ERICH1: variants seen among roughly 807,000 people sequenced by gnomAD.
The protein encoded by ERICH1 is glutamate rich 1.
Under a neutral mutation model 39.6 loss-of-function variants are expected in ERICH1, and 56 were observed. The ratio of observed to expected loss-of-function variants is 1.41; its 90% CI spans 1.14 to 1.77. The LOEUF (loss-of-function observed/expected upper bound fraction) is 1.77. Ranked by LOEUF, ERICH1 falls within the 40% of genes most tolerant of loss-of-function variation. The pLI, the probability that ERICH1 is intolerant of heterozygous loss-of-function variation, is 0.00. For synonymous variants in ERICH1, 313 were observed against 223.6 expected (o/e 1.40, Z -3.57); for missense variants, 826 against 575.4 (o/e 1.44, Z -4.45).
At chr8:674,296 C>CTTTTT (rs11372589) in intron 3 of ERICH1, among the ~76,000 whole-genome samples, 12 of 109,790 alleles carry the variant, frequency 1.1e-4, no homozygotes, top group Non-Finnish European at 1.2e-4. Flanking sequence ...CAAGTTGTTG[C>CTTTTT]TTTTTTTTTT....
At chr8:682,240 C>G (rs779043151) in intron 3 of ERICH1, among the ~76,000 whole-genome samples, 1 of 152,218 alleles carries the variant, frequency 6.6e-6, no homozygotes, top group Non-Finnish European at 1.5e-5. Context: ...TTCTCAAAGT[C>G]TCATCTGAGG....
intron 3 of ERICH1, among the ~76,000 whole-genome samples, chr8:654,361 G>T (rs1399799156): frequency 6.6e-6 from 1 of 152,138 alleles, no homozygotes; most frequent in Non-Finnish European, 1.5e-5. Flanking sequence ...TCCTTCAGAG[G>T]CTTGGTAAGA....
intron 3 of ERICH1, among the ~76,000 whole-genome samples, chr8:641,966 T>TA (rs1357922307): frequency 1.3e-5 from 2 of 152,334 alleles, no homozygotes; most frequent in East Asian, 3.9e-4. Flanking sequence ...ATTAAATTGT[T>TA]AAAGAATAGA....
At chr8:655,162 G>A (rs543162341) in intron 3 of ERICH1, among the ~76,000 whole-genome samples, 2 of 152,218 alleles carry the variant, frequency 1.3e-5, no homozygotes, top group African/African-American at 4.8e-5. Context: ...CAAGGGACTA[G>A]GAAGAGCAGC....
downstream of ERICH1, among the ~76,000 whole-genome samples, chr8:663,269 C>A (rs1290628878): frequency 1.3e-5 from 2 of 152,176 alleles, no homozygotes. Context: ...TGCTGCCCAT[C>A]TGAGCATCAG....
chr8:672,873 G>C (rs73670366), intron 4 of ERICH1, among the ~76,000 whole-genome samples: 1,882 of 152,364 alleles, frequency 0.012, 40 homozygotes, highest in African/African-American at 0.042. Flanking sequence ...TCACCTCTCA[G>C]TCTGCTTATG....
At chr8:615,251 C>G (rs1050162680) in exon 4 of ERICH1, 2 of 697,178 alleles carry the variant, frequency 2.9e-6, no homozygotes, top group Non-Finnish European at 2.6e-6. Flanking sequence ...CTTTCCTCTT[C>G]TTATTTTCTT....
At chr8:653,991 T>C (rs1386255341) in intron 3 of ERICH1, among the ~76,000 whole-genome samples, 2 of 152,118 alleles carry the variant, frequency 1.3e-5, no homozygotes, top group African/African-American at 2.4e-5. Context: ...CCTGGAGAAG[T>C]CGGAGCCACA....
At chr8:690,999 T>C (rs997063790) in intron 3 of ERICH1, 9 of 152,348 alleles carry the variant, frequency 5.9e-5, no homozygotes, top group Non-Finnish European at 7.3e-5. Flanking sequence ...AGGGGTCCCA[T>C]CCTTGCTTCT....
At chr8:697,176 G>A (rs76698806) in intron 2 of ERICH1, among the ~76,000 whole-genome samples, 4 of 152,200 alleles carry the variant, frequency 2.6e-5, no homozygotes, top group African/African-American at 7.2e-5. Flanking sequence ...GCGAACTCTC[G>A]TGGCCTCTTG....
At chr8:615,281 A>T (rs1448483362) in exon 4 of ERICH1, 1 of 692,454 alleles carries the variant, frequency 1.4e-6, no homozygotes, top group African/African-American at 1.8e-5. Flanking sequence ...TCTGCTTAGG[A>T]CTCCTGGAAA....
chr8:627,425 CT>C (rs1164042346), intron 3 of ERICH1, among the ~76,000 whole-genome samples: 2 of 152,228 alleles, frequency 1.3e-5, no homozygotes, highest in African/African-American at 4.8e-5. Flanking sequence ...CTCACTGCCC[CT>C]CTCCCAGGGG....
chr8:722,064 G>A lies in ERICH1; in HGVS notation c.23-6057C>T, dbSNP rs149703588. Among the ~76,000 whole-genome samples the A allele has an allele frequency of 1.0e-3, 152 of 152,174 alleles. 2 individuals are homozygous for A. The highest frequency in any genetic ancestry group is 3.5e-3 in the African/African-American group (146 of 41,510). ...AATGCCTTGCAGTCACGACGACTCC[G>A]TGTCTGTCAGAAGCCTGAGGCTGGT... On this transcript the variant is annotated intron_variant, in intron 1 of 5. Coordinates refer to ENST00000262109, the MANE Select transcript of ERICH1 (RefSeq NM_207332.3).
At position 680,626 on chromosome 8, in the gene ERICH1, G is replaced by A. The variant is rs1487642110; in HGVS notation, c.305-6579C>T. The stretch of plus-strand genomic sequence containing the variant: ...CACAGCTGCCACCCCTGTGAACACA[G>A]AAAGTCCAAGAGAATCCACAGCTGC... On this transcript the variant is annotated intron_variant, in intron 3 of 5. Transcript: ENST00000262109. 5.9e-5 allele frequency among the ~76,000 whole-genome samples: 9 copies of A among 152,120 alleles called. No individual in the cohort carries two copies. In the East Asian group the frequency reaches 1.7e-3, roughly 29 times the overall value.
rs759097394 is a variant in ERICH1 at position 615,220 on chromosome 8, T to C, written c.*3A>G. 1.6e-5 allele frequency: 11 copies of C among 685,672 alleles called. No individual in the cohort carries two copies. In the South Asian group the frequency reaches 1.7e-4, roughly 11 times the overall value. The allele number at this position is 685,672 out of a possible 1,614,324, so 42.5% of individuals were successfully genotyped here. A position where few individuals can be genotyped will look rare whatever the true frequency, so the allele number is the denominator to read the frequency against. On this transcript the variant is annotated 3_prime_UTR_variant, in exon 4 of 4. Coordinates refer to the ERICH1 transcript ENST00000522706. Reference sequence around the variant, plus strand: ...GAATTGTCCAAGTCAGCACCACAGCTGGTTAAGGCAGCCCCTCTCTCTTTC... The same window carrying C: ...GAATTGTCCAAGTCAGCACCACAGCCGGTTAAGGCAGCCCCTCTCTCTTTC...
intron 2 of ERICH1, among the ~76,000 whole-genome samples, chr8:706,452 G>A (rs745343722): frequency 8.5e-5 from 13 of 152,094 alleles, no homozygotes; most frequent in African/African-American, 2.9e-4. Flanking sequence ...ACTTTTCTAC[G>A]TCCTGTAAGT....
chr8:683,238 T>G (rs895488966), intron 3 of ERICH1, among the ~76,000 whole-genome samples: 1 of 152,124 alleles, frequency 6.6e-6, no homozygotes, highest in South Asian at 2.1e-4. Flanking sequence ...GCTTGCCATG[T>G]AGAAGACCTG....
At chr8:644,348 C>T (rs1240816316) in intron 3 of ERICH1, among the ~76,000 whole-genome samples, 1 of 152,196 alleles carries the variant, frequency 6.6e-6, no homozygotes, top group Non-Finnish European at 1.5e-5. Context: ...CACTGGGGCC[C>T]ACAGGTGGTG....
rs191013316 is a variant in ERICH1, at chr8:702,210, G to T, written c.170-9598C>A. ...AAACACGGGCAAAGGCAGATGGCCA[G>T]GAGGCGTGAAAGGCTGTCCAGTTTT... On this transcript the variant is annotated intron_variant, in intron 2 of 5. Coordinates refer to ENST00000262109, the MANE Select transcript of ERICH1 (RefSeq NM_207332.3). Among the ~76,000 whole-genome samples the T allele has an allele frequency of 1.8e-3, 276 of 152,330 alleles. 1 individual carries two copies. The highest frequency in any genetic ancestry group is 3.5e-3 in the Non-Finnish European group (236 of 68,036).
Sources: allele counts gnomAD v4.1 joint callset (sites outside exome capture counted in the v4.1 genomes callset), GRCh38; gene constraint gnomAD v4.1.1; transcripts MANE v1.5; gene names NCBI Gene and HGNC (gene_info 2026-07-23, HGNC 2026-07-21).